The following ERICH6B variants were observed in gnomAD, a reference collection of about 807,000 sequenced individuals.
ERICH6B encodes glutamate-rich protein 6B.
ERICH6B carries 69 observed loss-of-function variants against 80.0 expected under a neutral mutation model. The ratio of observed to expected loss-of-function variants is 0.86; its 90% CI spans 0.71 to 1.05. ERICH6B has a LOEUF of 1.05. Among genes scored for constraint, ERICH6B ranks in the 50% least tolerant of loss-of-function variants. The pLI is 0.00. For synonymous variants in ERICH6B, 283 were observed against 291.9 expected (o/e 0.97, Z 0.31); for missense variants, 754 against 796.1 (o/e 0.95, Z 0.64).
At chr13:45,580,053 A>G in intron 6 of ERICH6B, 79 bp from the exon 7 acceptor site, 1 of 1,185,226 alleles carries the variant, frequency 8.4e-7, no homozygotes, top group Non-Finnish European at 1.2e-6. Flanking sequence ...TTATGGAATC[A>G]ATTTAAAAAT....
At chr13:45,544,338 G>T (rs1034469267) in intron 14 of ERICH6B, among the ~76,000 whole-genome samples, 2 of 152,162 alleles carry the variant, frequency 1.3e-5, no homozygotes, top group East Asian at 3.9e-4. Flanking sequence ...GCCCCTCAAA[G>T]TGCTGGGATT....
chr13:45,574,785 G>C (rs985865821), intron 8 of ERICH6B, 57 bp downstream of exon 8: 1 of 1,378,318 alleles, frequency 7.3e-7, no homozygotes, highest in Non-Finnish European at 1.0e-6. Flanking sequence ...CTAGGCTTGG[G>C]CCACCCTACA....
At chr13:45,563,032 A>C (rs934823425) in intron 10 of ERICH6B, among the ~76,000 whole-genome samples, 6 of 152,226 alleles carry the variant, frequency 3.9e-5, no homozygotes, top group African/African-American at 1.4e-4. Flanking sequence ...TTCGTGTTGT[A>C]GTATGAGTTT....
chr13:45,563,648 G>T (rs139509033), intron 10 of ERICH6B, 79 bp downstream of exon 10: 1 of 1,274,330 alleles, frequency 7.8e-7, no homozygotes, highest in Non-Finnish European at 1.1e-6. Context: ...CTTCTTTACA[G>T]TACATGCAGA....
chr13:45,601,230 C>T (rs1488991339), intron 2 of ERICH6B, among the ~76,000 whole-genome samples: 1 of 152,104 alleles, frequency 6.6e-6, no homozygotes, highest in Non-Finnish European at 1.5e-5. Context: ...GATCTCTTTT[C>T]TCCTGTTGCA....
chr13:45,566,962 A>G (rs1874940538), intron 9 of ERICH6B, among the ~76,000 whole-genome samples: 1 of 152,258 alleles, frequency 6.6e-6, no homozygotes, highest in South Asian at 2.1e-4. Context: ...GCAAAGCCAC[A>G]GGGGCAGAGC....
chr13:45,614,206 G>A (rs1001913662), intron 1 of ERICH6B, among the ~76,000 whole-genome samples: 3 of 152,034 alleles, frequency 2.0e-5, no homozygotes, highest in South Asian at 4.2e-4. Flanking sequence ...CCTTTCTTTT[G>A]AATTTCCTTA....
At chr13:45,546,747 G>T (rs563599758) in intron 13 of ERICH6B, among the ~76,000 whole-genome samples, 3 of 152,114 alleles carry the variant, frequency 2.0e-5, no homozygotes, top group Non-Finnish European at 4.4e-5. Context: ...TCTGCATTTG[G>T]GGGTCACTTT....
intron 2 of ERICH6B, among the ~76,000 whole-genome samples, chr13:45,599,494 C>A (rs918678360): frequency 6.6e-6 from 1 of 152,076 alleles, no homozygotes; most frequent in Admixed American, 6.5e-5. Flanking sequence ...AGCAAAACAG[C>A]GGGCTCTGTG....
At chr13:45,568,646 G>A (rs1262450195) in intron 8 of ERICH6B, among the ~76,000 whole-genome samples, 195 bp from the exon 9 acceptor site, 1 of 152,178 alleles carries the variant, frequency 6.6e-6, no homozygotes, top group Admixed American at 6.5e-5. Flanking sequence ...TAATACCTAG[G>A]TGATGGGCTG....
chr13:45,606,541 ATATATATTT>A (rs1949866157), intron 2 of ERICH6B, among the ~76,000 whole-genome samples: 1 of 11,538 alleles, frequency 8.7e-5, no homozygotes, highest in Non-Finnish European at 2.0e-4. Context: ...ATATATATAT[ATATATATTT>A]TTTTTTTTTT....
At chr13:45,566,109 T>A (rs761120792) in intron 9 of ERICH6B, among the ~76,000 whole-genome samples, 1 of 152,150 alleles carries the variant, frequency 6.6e-6, no homozygotes, top group Non-Finnish European at 1.5e-5. Flanking sequence ...CCCTAGAGAT[T>A]TGTGAAACTT....
At chr13:45,568,489 G>A in intron 8 of ERICH6B, 38 bp from the exon 9 acceptor site, 1 of 1,448,944 alleles carries the variant, frequency 6.9e-7, no homozygotes, top group Non-Finnish European at 9.1e-7. Flanking sequence ...TCAGAAAATG[G>A]AAATTAATGA....
intron 11 of ERICH6B, among the ~76,000 whole-genome samples, chr13:45,558,598 G>GT (rs1248384356): frequency 3.3e-5 from 5 of 152,160 alleles, no homozygotes; most frequent in African/African-American, 9.7e-5. Flanking sequence ...CTACATTGAG[G>GT]TATGTCCCTG....
At chr13:45,578,929 G>A (rs1875537038) in intron 7 of ERICH6B, among the ~76,000 whole-genome samples, 1 of 152,156 alleles carries the variant, frequency 6.6e-6, no homozygotes, top group African/African-American at 2.4e-5. Context: ...ATGCACCCGT[G>A]GTCCCAGCTA....
chr13:45,563,764 G>C lies in ERICH6B; in HGVS notation c.1212C>G (p.Phe404Leu). ...TCTTAATCCGTAAGATTGTTTCCTT[G>C]AACTTTTCATAATTTTTCTTCAGCC... Reference protein sequence around the residue: ...VIMLKKNYEKFKETILRIKRR... With the variant: ...VIMLKKNYEKLKETILRIKRR... Residue 404 changes from phenylalanine to leucine, a missense_variant, in exon 10 of 15, where the codon TTC becomes TTG. Phe to Leu is a conservative substitution (Grantham distance 22). Coordinates refer to ENST00000298738, the MANE Select transcript of ERICH6B (RefSeq NM_182542.3). 6.4e-7 allele frequency: 1 copy of C among 1,552,266 alleles called. No individual in the cohort carries two copies. The highest frequency in any genetic ancestry group is 8.7e-7 in the Non-Finnish European group (1 of 1,147,118).
chr13:45,599,402 A>G (rs1949811612), intron 2 of ERICH6B, among the ~76,000 whole-genome samples: 1 of 152,232 alleles, frequency 6.6e-6, no homozygotes, highest in African/African-American at 2.4e-5. Context: ...CAACAAATTT[A>G]GTTATTAATT....
At chr13:45,575,833 G>C (rs1003609759) in intron 7 of ERICH6B, among the ~76,000 whole-genome samples, 7 of 152,142 alleles carry the variant, frequency 4.6e-5, no homozygotes, top group Non-Finnish European at 1.0e-4. Context: ...GATCAGTACA[G>C]CTTGAGCCCT....
chr13:45,550,163 T>A, intron 12 of ERICH6B, 68 bp downstream of exon 12: 1 of 1,534,458 alleles, frequency 6.5e-7, no homozygotes, highest in South Asian at 1.2e-5. Context: ...CCTTACCCCA[T>A]AAAAAATCGT....
Sources: gnomAD v4.1 joint callset for allele counts (sites outside exome capture counted in the v4.1 genomes callset) on GRCh38, gnomAD v4.1.1 for gene constraint, MANE v1.5 for transcripts, NCBI Gene and HGNC (gene_info 2026-07-23, HGNC 2026-07-21) for gene names.